The following NOTCH2 variants were observed in gnomAD, a reference collection of about 807,000 sequenced individuals.
NOTCH2 encodes the protein notch receptor 2, also known as neurogenic locus notch homolog protein 2.
A neutral mutation model predicts 235.8 loss-of-function variants in NOTCH2; 29 were observed. The ratio of observed to expected loss-of-function variants is 0.12; its 90% CI spans 0.09 to 0.17. The LOEUF (loss-of-function observed/expected upper bound fraction) is 0.17, where lower values mean the gene tolerates loss of function less well. Ranked by LOEUF, NOTCH2 falls within the 10% of genes least tolerant of loss-of-function variation. The pLI, the probability that NOTCH2 is intolerant of heterozygous loss-of-function variation, is 1.00. For missense variants in NOTCH2, 2,285 were observed against 3,150.2 expected, an observed-to-expected ratio of 0.73 and a Z score of 6.57; for synonymous variants, 1,086 against 1,141.5, an observed-to-expected ratio of 0.95 and a Z score of 0.98.
rs1432405469 is a variant in NOTCH2, at chr1:120,051,265, A to ACG, written c.73+18068_73+18069insCG. Among the ~76,000 whole-genome samples, 6 of 103,144 alleles carry ACG rather than the reference A, an allele frequency of 5.8e-5. 1 individual carries two copies. Among genetic ancestry groups the ACG allele is most frequent in the African/African-American group, 3.2e-4 (4 of 12,618 alleles). The allele number at this position is 103,144 out of a possible 152,430, so 67.7% of individuals were successfully genotyped here. A position where few individuals can be genotyped will look rare whatever the true frequency, so the allele number is the denominator to read the frequency against. Reference sequence around the variant, plus strand: ...CACACACACACACACACACACACACACACACACACGCACACACACACAGAG... The same window carrying ACG: ...CACACACACACACACACACACACACACGCACACACACGCACACACACACAGAG... On this transcript the variant is annotated intron_variant, in intron 1 of 33. Transcript: ENST00000256646.
intron 17 of NOTCH2, among the ~76,000 whole-genome samples, chr1:119,947,946 T>C (rs1346752523): frequency 1.3e-5 from 2 of 152,158 alleles, no homozygotes; most frequent in African/African-American, 4.8e-5. Flanking sequence ...TAATAATCTA[T>C]AGTGACAGAA....
intron 12 of NOTCH2, among the ~76,000 whole-genome samples, chr1:119,957,829 AACAC>A (rs3222739): frequency 0.083 from 9,607 of 116,352 alleles, 378 homozygotes; most frequent in African/African-American, 0.12. Context: ...GCCTTATATA[AACAC>A]ACACACACAC....
chr1:119,931,204 A>G (rs1553195066), intron 22 of NOTCH2, among the ~76,000 whole-genome samples: 1 of 151,676 alleles, frequency 6.6e-6, no homozygotes, highest in Non-Finnish European at 1.5e-5. Context: ...TTTTTTTTAA[A>G]TGTAAAGTAA....
At chr1:119,949,512 G>A (rs1161933695) in intron 15 of NOTCH2, among the ~76,000 whole-genome samples, 2 of 148,414 alleles carry the variant, frequency 1.3e-5, no homozygotes, top group Admixed American at 6.8e-5. Flanking sequence ...TCCGCCTCCC[G>A]AGTAGCTGGG....
chr1:119,921,011 G>A (rs1649267312), intron 29 of NOTCH2, among the ~76,000 whole-genome samples: 1 of 152,216 alleles, frequency 6.6e-6, no homozygotes, highest in Non-Finnish European at 1.5e-5. Context: ...AACTCACAGA[G>A]GAAAGGGTTA....
intron 13 of NOTCH2, among the ~76,000 whole-genome samples, chr1:119,954,234 C>G (rs1042750178): frequency 2.0e-5 from 3 of 152,140 alleles, no homozygotes; most frequent in Non-Finnish European, 2.9e-5. Flanking sequence ...TAAATATAAT[C>G]TCCAATTTGA....
chr1:119,919,208 C>A (rs1363243903), intron 31 of NOTCH2, 104 bp downstream of exon 31: 3 of 1,287,418 alleles, frequency 2.3e-6, no homozygotes, highest in African/African-American at 1.5e-5. Context: ...CCTAATCTCT[C>A]AAATGATTGA....
intron 3 of NOTCH2, among the ~76,000 whole-genome samples, chr1:120,000,532 CAAA>C (rs1183950511): frequency 5.6e-5 from 2 of 35,590 alleles, no homozygotes; most frequent in African/African-American, 1.3e-4. Context: ...TACTCCATCT[CAAA>C]AAAAAAAAAA....
At chr1:119,942,861 T>C (rs2101107287) in intron 17 of NOTCH2, among the ~76,000 whole-genome samples, 1 of 151,706 alleles carries the variant, frequency 6.6e-6, no homozygotes, top group African/African-American at 2.4e-5. Context: ...TTAAAATTAT[T>C]TGTCCATATG....
At chr1:120,031,089 C>T (rs1321609199) in intron 1 of NOTCH2, among the ~76,000 whole-genome samples, 1 of 151,952 alleles carries the variant, frequency 6.6e-6, no homozygotes, top group African/African-American at 2.4e-5. Flanking sequence ...GAGAAGTTCC[C>T]CCTCTCCAAG....
At chr1:119,930,487 G>A (rs587666731) in intron 22 of NOTCH2, among the ~76,000 whole-genome samples, 3 of 151,542 alleles carry the variant, frequency 2.0e-5, no homozygotes, top group Admixed American at 1.3e-4. Context: ...ATTCAAAAAG[G>A]CACAAAAGAG....
rs782683810 is a variant in NOTCH2, at chr1:119,959,468, T to A, written c.1950A>T (p.Ala650=). Residue 650 remains alanine, a synonymous_variant, in exon 12 of 34, where the codon GCA becomes GCT. Coordinates refer to ENST00000256646, the MANE Select transcript of NOTCH2 (RefSeq NM_024408.4). ...VNCEINFDDC[A]SNPCIHGICM... ...AGATTCCATGGATACAAGGGTTACTTGCACAGTCATCAAAATTAATTTCAC... is the reference window on the plus strand; with the variant it reads ...AGATTCCATGGATACAAGGGTTACTAGCACAGTCATCAAAATTAATTTCAC... 1 of 1,609,262 alleles carries A rather than the reference T, an allele frequency of 6.2e-7. No individual in the cohort carries two copies. Among genetic ancestry groups the A allele is most frequent in the Non-Finnish European group, 8.5e-7 (1 of 1,175,586 alleles).
Position 119,955,093 on chromosome 1 carries a change from G to T in NOTCH2, c.2166C>A (p.Asn722Lys), listed in dbSNP as rs1046818561. Residue 722 changes from asparagine to lysine, a missense_variant, in exon 13 of 34, where the codon AAC (asparagine) becomes AAA (lysine). Transcript: ENST00000256646. ...GGATGCAGGGATTGCTCAGGCATTC[G>T]TTCACCTGTGAGTAGCAGCTGGGGT... ...PHHPSCYSQVNECLSNPCIHG... is the reference protein window; with the variant it reads ...PHHPSCYSQVKECLSNPCIHG... 6 of 1,614,050 alleles carry T rather than the reference G, an allele frequency of 3.7e-6. No homozygotes were observed. Among genetic ancestry groups the T allele is most frequent in the Non-Finnish European group, 5.1e-6 (6 of 1,179,978 alleles).
chr1:119,988,594 G>A (rs1208584311), intron 4 of NOTCH2, among the ~76,000 whole-genome samples: 4 of 152,066 alleles, frequency 2.6e-5, no homozygotes, highest in African/African-American at 9.7e-5. Flanking sequence ...AGAATCTATG[G>A]GATCTACTAG....
intron 7 of NOTCH2, 143 bp downstream of exon 7, chr1:119,967,934 A>T (rs587639407): frequency 3.0e-4 from 268 of 892,250 alleles, no homozygotes; most frequent in Non-Finnish European, 4.3e-4. Context: ...CTGAAAGGTC[A>T]CTTGTAAACA....
intron 14 of NOTCH2, 55 bp from the exon 15 acceptor site, chr1:119,950,892 A>G: frequency 3.7e-6 from 4 of 1,094,372 alleles, no homozygotes; most frequent in Non-Finnish European, 5.7e-6. Flanking sequence ...AGCCTCATCA[A>G]TTTCTAACCA....
Position 119,969,568 on chromosome 1 carries a change from A to T in NOTCH2, c.1051T>A (p.Ser351Thr). 1 of 1,614,028 alleles carries T rather than the reference A, an allele frequency of 6.2e-7. No homozygotes were observed. The highest frequency in any genetic ancestry group is 8.5e-7 in the Non-Finnish European group (1 of 1,179,980). ...DCAFASCTPG[S>T]TCIDRVASFS... ...GAGGCCACACGGTCGATGCAGGTGG[A>T]GCCTGGAGTACAGGAGGCGAAGGCA... is the stretch of plus-strand genomic sequence containing the variant. The change falls in exon 6 of 34, where the codon TCC becomes ACC. Residue 351 changes from serine to threonine, a missense_variant. This residue lies in a region of NOTCH2 where 431 missense variants were observed against 757.8 expected (regional missense o/e 0.57). Coordinates refer to ENST00000256646, the MANE Select transcript of NOTCH2 (RefSeq NM_024408.4).
chr1:119,920,359 G>A lies in NOTCH2; in HGVS notation c.5349C>T (p.Pro1783=), dbSNP rs764308383. ...GCTGTGTCCATGGCCGTCGATCAAT[G>A]GGGTCATCTTCTTCTGAGAGTAAGG... ...DEALLSEEDD[P]IDRRPWTQQH... Residue 1783 remains proline (P), a synonymous_variant, in exon 30 of 34, where the codon CCC becomes CCT. Coordinates refer to ENST00000256646, the MANE Select transcript of NOTCH2 (RefSeq NM_024408.4). 6.2e-7 allele frequency: 1 copy of A among 1,614,206 alleles called. No homozygotes were observed. Among genetic ancestry groups the A allele is most frequent in the South Asian group, 1.1e-5 (1 of 91,082 alleles).
chr1:119,976,754 T>C (rs879970346), intron 5 of NOTCH2, among the ~76,000 whole-genome samples: 10 of 152,102 alleles, frequency 6.6e-5, no homozygotes, highest in Admixed American at 2.6e-4. Context: ...CCATGAAATA[T>C]CACTAGCTCC....
Sources: allele counts gnomAD v4.1 joint callset (sites outside exome capture counted in the v4.1 genomes callset), GRCh38; gene constraint gnomAD v4.1.1; regional missense constraint gnomAD v4.1.1; transcripts MANE v1.5; gene names NCBI Gene and HGNC (gene_info 2026-07-23, HGNC 2026-07-21).